ANO2: variants seen among roughly 807,000 people sequenced by gnomAD.
ANO2 encodes the protein anoctamin-2.
ANO2 carries 101 observed loss-of-function variants against 124.2 expected under a neutral mutation model. That is an observed-to-expected ratio of 0.81 (90% CI 0.69 to 0.96). The LOEUF (loss-of-function observed/expected upper bound fraction) is 0.96, where lower values mean the gene tolerates loss of function less well. ANO2 is among the 40% of genes least tolerant of loss of function. ANO2 has a pLI of 0.00. For synonymous variants in ANO2, 486 were observed against 482.5 expected, an observed-to-expected ratio of 1.01 and a Z score of -0.09; for missense variants, 1,293 against 1,274.5, an observed-to-expected ratio of 1.01 and a Z score of -0.22.
chr12:5,667,123 AC>A (rs933731228), intron 14 of ANO2, among the ~76,000 whole-genome samples: 1 of 152,074 alleles, frequency 6.6e-6, no homozygotes, highest in Non-Finnish European at 1.5e-5. Context: ...GCTTTCTGGG[AC>A]CCCACCCTAT....
At chr12:5,910,192 T>G (rs1159394945) in intron 3 of ANO2, among the ~76,000 whole-genome samples, 1 of 152,234 alleles carries the variant, frequency 6.6e-6, no homozygotes, top group Non-Finnish European at 1.5e-5. Context: ...CTTGTTGTTT[T>G]GTTTTTTGAG....
rs1306889019 is a variant in ANO2 at position 5,641,988 on chromosome 12, T to TTGA, written c.1620+5736_1620+5738dup. ...TGGTGGTCCAGTGATCTATTTGTTG[T>TTGA]TGATGATGATGATGATGACATTGAT... On this transcript the variant is annotated intron_variant, in intron 15 of 24. Coordinates refer to ENST00000682330, the MANE Select transcript of ANO2 (RefSeq NM_001364791.2). Among the ~76,000 whole-genome samples the TTGA allele has an allele frequency of 3.9e-5, 6 of 152,156 alleles. No individual in the cohort carries two copies. In the East Asian group the frequency reaches 5.8e-4, roughly 15 times the overall value.
rs918413403 is a variant in ANO2 at position 5,787,389 on chromosome 12, C to T, written c.1055+12118G>A. On this transcript the variant is annotated intron_variant, in intron 10 of 24. Coordinates refer to ENST00000682330, the MANE Select transcript of ANO2 (RefSeq NM_001364791.2). The surrounding 1 kb of genome is among the most constrained non-coding windows in gnomAD (Gnocchi z 4.2). ...CCGTGACCTGGCTCCCCACAAGCAT[C>T]TCCGCTACAGAGCTGAAGCTCCAGC... Among the ~76,000 whole-genome samples the T allele has an allele frequency of 6.6e-6, 1 of 152,196 alleles. No individual in the cohort carries two copies. Among genetic ancestry groups the T allele is most frequent in the African/African-American group, 2.4e-5 (1 of 41,450 alleles).
intron 19 of ANO2, among the ~76,000 whole-genome samples, chr12:5,610,528 G>T (rs1238337818): frequency 1.5e-5 from 2 of 134,668 alleles, no homozygotes; most frequent in East Asian, 2.1e-4. Context: ...ATTTTTATAT[G>T]TATAAAACAT....
intron 14 of ANO2, among the ~76,000 whole-genome samples, chr12:5,680,204 G>C (rs1469252937): frequency 6.6e-6 from 1 of 152,304 alleles, no homozygotes; most frequent in Non-Finnish European, 1.5e-5. Context: ...ATTCCTAGCT[G>C]ATGGGATGAT....
At chr12:5,676,949 G>T (rs1023894711) in intron 14 of ANO2, among the ~76,000 whole-genome samples, 1 of 152,184 alleles carries the variant, frequency 6.6e-6, no homozygotes, top group Non-Finnish European at 1.5e-5. Flanking sequence ...AGCTACTTGG[G>T]AGGCTGAGAC....
intron 14 of ANO2, among the ~76,000 whole-genome samples, chr12:5,692,252 C>T (rs914980798): frequency 6.6e-6 from 1 of 151,818 alleles, no homozygotes; most frequent in African/African-American, 2.4e-5. Context: ...AGGCACTTAC[C>T]AGTGGATTAA....
chr12:5,905,462 G>T (rs937991702), intron 3 of ANO2, among the ~76,000 whole-genome samples: 1 of 152,148 alleles, frequency 6.6e-6, no homozygotes, highest in African/African-American at 2.4e-5. Flanking sequence ...GAAGTACAGG[G>T]ATCAGAGAGG....
chr12:5,571,713 C>G (rs1380862925), intron 23 of ANO2, among the ~76,000 whole-genome samples: 1 of 152,172 alleles, frequency 6.6e-6, no homozygotes, highest in African/African-American at 2.4e-5. Context: ...CTCTCTCTCT[C>G]TCTCTCTTCC....
chr12:5,913,964 C>G (rs565535232), intron 3 of ANO2, among the ~76,000 whole-genome samples: 13 of 152,212 alleles, frequency 8.5e-5, no homozygotes, highest in South Asian at 8.3e-4. Flanking sequence ...GCCTTTGGGA[C>G]GCCGAGACAG....
chr12:5,565,741 G>A, intron 23 of ANO2, 78 bp from the exon 24 acceptor site: 1 of 1,210,532 alleles, frequency 8.3e-7, no homozygotes, highest in African/African-American at 1.5e-5. Flanking sequence ...GAAACCTCGA[G>A]GGCTGGCTGG....
chr12:5,818,852 C>T (rs1018819816), intron 7 of ANO2, among the ~76,000 whole-genome samples: 5 of 151,978 alleles, frequency 3.3e-5, no homozygotes, highest in Admixed American at 1.3e-4. Flanking sequence ...CATAATGAAG[C>T]GGTTGGTTGC....
At chr12:5,752,379 T>C (rs79438234) in intron 10 of ANO2, among the ~76,000 whole-genome samples, 9,810 of 152,288 alleles carry the variant, frequency 0.064, 424 homozygotes, top group African/African-American at 0.12. Context: ...TTTTTATCTT[T>C]TGTTGTTGGA....
chr12:5,624,262 AACAGACAG>A (rs372900392), intron 16 of ANO2, among the ~76,000 whole-genome samples: 1 of 149,746 alleles, frequency 6.7e-6, no homozygotes. Flanking sequence ...GAGAGAGAGA[AACAGACAG>A]ACAGACAGAC....
rs1263738636 is a variant in ANO2, at chr12:5,900,576, C to CA, written c.534+20463dup. Among the ~76,000 whole-genome samples, 254 of 145,442 alleles carry CA rather than the reference C, an allele frequency of 1.7e-3. 1 individual carries two copies. Among genetic ancestry groups the CA allele is most frequent in the African/African-American group, 6.4e-3 (246 of 38,384 alleles). On this transcript the variant is annotated intron_variant, in intron 3 of 24. Transcript: ENST00000682330. This position sits in a 1 kb window ranked among gnomAD's most constrained non-coding sequence, Gnocchi z 4.2. ...ATAAAATGGAAAACAACAACAACAA[C>CA]AACAAAAAACTAAAGTGAACTCTCC...
chr12:5,660,794 G>T (rs926742450), intron 14 of ANO2, among the ~76,000 whole-genome samples: 2 of 152,180 alleles, frequency 1.3e-5, no homozygotes, highest in East Asian at 3.9e-4. Flanking sequence ...AACAATAGCC[G>T]GGCTCATTTT....
chr12:5,588,944 C>T (rs942144983), intron 20 of ANO2, among the ~76,000 whole-genome samples: 10 of 152,158 alleles, frequency 6.6e-5, no homozygotes, highest in African/African-American at 9.7e-5. Context: ...CATCTGCACC[C>T]GAGTCTCACC....
At position 5,920,301 on chromosome 12, in the gene ANO2, C is replaced by T. The variant is rs994089382; in HGVS notation, c.534+739G>A. 2.0e-5 allele frequency among the ~76,000 whole-genome samples: 3 copies of T among 152,232 alleles called. No homozygotes were observed. The East Asian group carries it at 5.8e-4, about 29-fold the overall frequency. On this transcript the variant is annotated intron_variant, in intron 3 of 24. Coordinates refer to ENST00000682330, the MANE Select transcript of ANO2 (RefSeq NM_001364791.2). ...CAGGGGACCCCAGACAAGCGCATTC[C>T]TTAGTGAATGAGATTCATATAGAGG... is the stretch of plus-strand genomic sequence containing the variant.
Position 5,900,644 on chromosome 12 carries a change from A to C in ANO2, c.534+20396T>G, listed in dbSNP as rs1222580107. 6.6e-6 allele frequency among the ~76,000 whole-genome samples: 1 copy of C among 150,650 alleles called. No homozygotes were observed. The highest frequency in any genetic ancestry group is 1.9e-4 in the East Asian group (1 of 5,182). ...GGGGGAGCATTTGCTCTACCTCCGCATTTAACGTGTGGTCCCTGCCATCCT... is the reference window on the plus strand; with the variant it reads ...GGGGGAGCATTTGCTCTACCTCCGCCTTTAACGTGTGGTCCCTGCCATCCT... On this transcript the variant is annotated intron_variant, in intron 3 of 24. Transcript: ENST00000682330. This position sits in a 1 kb window ranked among gnomAD's most constrained non-coding sequence, Gnocchi z 4.2.
Sources: gnomAD v4.1 joint callset for allele counts (sites outside exome capture counted in the v4.1 genomes callset) on GRCh38, gnomAD v4.1.1 for gene constraint, Gnocchi (gnomAD v3.1) non-coding constraint, MANE v1.5 for transcripts, NCBI Gene and HGNC (gene_info 2026-07-23, HGNC 2026-07-21) for gene names.